Variants in LPIN1 observed in about 807,000 individuals in gnomAD.
LPIN1 encodes lipin 1.
A neutral mutation model predicts 107.5 loss-of-function variants in LPIN1; 71 were observed. The ratio of observed to expected loss-of-function variants is 0.66; its 90% CI spans 0.55 to 0.80. The LOEUF (loss-of-function observed/expected upper bound fraction) is 0.80, where lower values mean the gene tolerates loss of function less well. Ranked by LOEUF, LPIN1 falls within the 30% of genes least tolerant of loss-of-function variation. The pLI is 0.00. For synonymous variants in LPIN1, 445 were observed against 452.6 expected, an observed-to-expected ratio of 0.98 and a Z score of 0.21; for missense variants, 1,043 against 1,160.6, an observed-to-expected ratio of 0.90 and a Z score of 1.47.
chr2:11,805,444 G>C, intron 17 of LPIN1: 2 of 530,138 alleles, frequency 3.8e-6, no homozygotes, highest in Non-Finnish European at 3.4e-6. Context: ...CTGAGGTTTA[G>C]TTCATCCCGA....
chr2:11,765,459 A>G lies in LPIN1; in HGVS notation c.-9-74A>G. On this transcript the variant is annotated intron_variant, in intron 1 of 20. Coordinates refer to ENST00000674199, the MANE Select transcript of LPIN1 (RefSeq NM_001349206.2). The surrounding 1 kb of genome is among the most constrained non-coding windows in gnomAD (Gnocchi z 4.4). ...TGTAATCCACGTTTTTGAAATGGTG[A>G]GGAGTTCATTTTGATTGGCTCTTCC... 7.3e-7 allele frequency: 1 copy of G among 1,376,948 alleles called. No homozygotes were observed. The highest frequency in any genetic ancestry group is 1.0e-6 in the Non-Finnish European group (1 of 987,528). 85.3% of individuals were successfully genotyped at this position (1,376,948 alleles called of 1,614,324 possible).
intron 1 of LPIN1, chr2:11,764,076 GTGTA>G (rs1278246462): frequency 0.014 from 801 of 57,618 alleles, 10 homozygotes; most frequent in African/African-American, 0.061. Context: ...GTGTGTGTGT[GTGTA>G]TATATATATA....
At chr2:11,696,865 G>A (rs535628283) in intron 1 of LPIN1, among the ~76,000 whole-genome samples, 1 of 152,240 alleles carries the variant, frequency 6.6e-6, no homozygotes, top group Non-Finnish European at 1.5e-5. Context: ...TGTCAGCCTC[G>A]AAGTGTCCTG....
chr2:11,781,639 A>G (rs1398271329), intron 7 of LPIN1, among the ~76,000 whole-genome samples: 1 of 152,234 alleles, frequency 6.6e-6, no homozygotes. Flanking sequence ...ATTGAAATAT[A>G]CATACAGAGA....
At chr2:11,809,223 C>G (rs1679232908) in intron 17 of LPIN1, among the ~76,000 whole-genome samples, 1 of 151,954 alleles carries the variant, frequency 6.6e-6, no homozygotes, top group Admixed American at 6.6e-5. Context: ...TAAATTTGGG[C>G]AATAATTGTT....
chr2:11,693,592 A>C (rs1033250726), intron 1 of LPIN1, among the ~76,000 whole-genome samples: 10 of 151,592 alleles, frequency 6.6e-5, no homozygotes, highest in Admixed American at 5.9e-4. Context: ...TATCCCTACC[A>C]TGGGCACTCC....
At chr2:11,749,999 T>C (rs1404810748) in intron 1 of LPIN1, among the ~76,000 whole-genome samples, 1 of 152,254 alleles carries the variant, frequency 6.6e-6, no homozygotes, top group Non-Finnish European at 1.5e-5. Context: ...CTGATTTGCA[T>C]TGGCTCACAA....
In LPIN1 at chr2:11,692,225, G is replaced by A. The variant is rs77620893; in HGVS notation, c.81+14497G>A. Among the ~76,000 whole-genome samples, 986 of 152,164 alleles carry A rather than the reference G, an allele frequency of 6.5e-3. 14 individuals carry two copies. The highest frequency in any genetic ancestry group is 0.023 in the African/African-American group (952 of 41,414). ...CTGTCCTTACTGCCCCAGGGATTTT[G>A]AATATTTTTGCTTTCTGTGAAAATG... On this transcript the variant is annotated intron_variant, in intron 1 of 21. Transcript: ENST00000449576.
Position 11,784,876 on chromosome 2 carries a change from CTCCTTCCAGCGGAGA to C in LPIN1, c.1359-2_1371del. ...CCTCAGCCGGTCTCTGCCGCTTTTC[CTCCTTCCAGCGGAGA>C]TCCTTCCGGACTCGCAAAACATGCA... On this transcript the variant is annotated splice_acceptor_variant and splice_polypyrimidine_tract_variant and coding_sequence_variant and intron_variant, in exon 10 of 21. Coordinates refer to ENST00000674199, the MANE Select transcript of LPIN1 (RefSeq NM_001349206.2). LOFTEE classifies it high-confidence loss of function. The C allele has an allele frequency of 6.2e-7, 1 of 1,613,760 alleles. No homozygotes were observed. Among genetic ancestry groups the C allele is most frequent in the South Asian group, 1.1e-5 (1 of 91,090 alleles).
chr2:11,756,616 C>T (rs777430319), intron 1 of LPIN1, among the ~76,000 whole-genome samples: 1 of 152,102 alleles, frequency 6.6e-6, no homozygotes, highest in Non-Finnish European at 1.5e-5. Context: ...AGGCTGGTCT[C>T]GAATTCCTGA....
chr2:11,721,263 CGTGTGTGTGTGTGTGTGTGTGTGTGTGT>C (rs5829326), upstream of LPIN1, among the ~76,000 whole-genome samples: 1 of 129,808 alleles, frequency 7.7e-6, no homozygotes, highest in African/African-American at 2.9e-5. Context: ...GTACTGCATG[CGTGTGTGTGTGTGTGTGTGTGTGTGTGT>C]GTGTGTGTGT....
intron 1 of LPIN1, among the ~76,000 whole-genome samples, chr2:11,755,520 A>T (rs1031512041): frequency 1.1e-4 from 17 of 152,150 alleles, no homozygotes; most frequent in Non-Finnish European, 2.2e-4. Flanking sequence ...CACTTGACAA[A>T]TGACAGTAAT....
intron 1 of LPIN1, among the ~76,000 whole-genome samples, chr2:11,700,462 C>T (rs1662811405): frequency 6.6e-6 from 1 of 150,930 alleles, no homozygotes; most frequent in Admixed American, 6.6e-5. Flanking sequence ...TTCTCTCTCT[C>T]TCTCAGCTCT....
intron 20 of LPIN1, among the ~76,000 whole-genome samples, chr2:11,822,010 G>A (rs561567146): frequency 3.3e-5 from 5 of 152,096 alleles, no homozygotes; most frequent in Non-Finnish European, 5.9e-5. Flanking sequence ...ACAATGTCTC[G>A]TTCCCACTCC....
At chr2:11,779,937 A>G (rs935220985) in intron 7 of LPIN1, among the ~76,000 whole-genome samples, 1 of 151,576 alleles carries the variant, frequency 6.6e-6, no homozygotes, top group Non-Finnish European at 1.5e-5. Flanking sequence ...CTGGAGGGCA[A>G]TGGCTCTATC....
chr2:11,812,165 T>C (rs1251778216), intron 17 of LPIN1, among the ~76,000 whole-genome samples: 1 of 152,216 alleles, frequency 6.6e-6, no homozygotes, highest in Non-Finnish European at 1.5e-5. Flanking sequence ...AAAATATTCA[T>C]GGTAGAACAA....
At chr2:11,759,787 G>A (rs535563867) in intron 1 of LPIN1, among the ~76,000 whole-genome samples, 4,406 of 139,330 alleles carry the variant, frequency 0.032, 57 homozygotes, top group Middle Eastern at 0.085. Context: ...CCTCCCTCCC[G>A]GACGGGGCGG....
chr2:11,747,925 C>T (rs1165698930), intron 1 of LPIN1, among the ~76,000 whole-genome samples: 2 of 152,220 alleles, frequency 1.3e-5, no homozygotes, highest in Non-Finnish European at 2.9e-5. Flanking sequence ...CTGGATATAG[C>T]CCTGGACTCG....
chr2:11,781,770 G>A (rs548502140), intron 7 of LPIN1, among the ~76,000 whole-genome samples: 2 of 152,164 alleles, frequency 1.3e-5, no homozygotes, highest in African/African-American at 2.4e-5. Flanking sequence ...CACTCTTTGC[G>A]GTCACTGCTC....
Sources: allele counts gnomAD v4.1 joint callset (sites outside exome capture counted in the v4.1 genomes callset), GRCh38; gene constraint gnomAD v4.1.1; non-coding constraint Gnocchi (gnomAD v3.1); transcripts MANE v1.5; gene names NCBI Gene and HGNC (gene_info 2026-07-23, HGNC 2026-07-21).